The following LRRC4C variants were observed in gnomAD, a reference collection of about 807,000 sequenced individuals.
LRRC4C encodes leucine-rich repeat-containing protein 4C.
LRRC4C carries 5 observed loss-of-function variants against 33.6 expected under a neutral mutation model. The observed-to-expected ratio is 0.15, with a 90% CI of 0.08 to 0.31. The LOEUF is 0.31. Among genes scored for constraint, LRRC4C ranks in the 10% least tolerant of loss-of-function variants. The probability of loss-of-function intolerance (pLI) is 1.00; values close to 1 mark genes in which losing one functional copy is unlikely to be tolerated. For missense variants in LRRC4C, 560 were observed against 796.7 expected, an observed-to-expected ratio of 0.70 and a Z score of 3.58; for synonymous variants, 329 against 302.0, an observed-to-expected ratio of 1.09 and a Z score of -0.93.
chr11:40,534,778 C>A (rs1452899683), intron 3 of LRRC4C, among the ~76,000 whole-genome samples: 2 of 152,088 alleles, frequency 1.3e-5, no homozygotes. Context: ...GGTTTTAGGG[C>A]AAATTGTCCA....
At chr11:41,227,279 A>T (rs1423123821) in intron 1 of LRRC4C, among the ~76,000 whole-genome samples, 1 of 152,002 alleles carries the variant, frequency 6.6e-6, no homozygotes, top group African/African-American at 2.4e-5. Flanking sequence ...GCAATATTAT[A>T]TACATTTAAG....
intron 2 of LRRC4C, among the ~76,000 whole-genome samples, chr11:40,850,511 T>G (rs1953427372): frequency 6.6e-6 from 1 of 152,174 alleles, no homozygotes. Context: ...CTCTGGAAGC[T>G]TCCTCCCAGA....
At chr11:40,180,897 C>T in intron 5 of LRRC4C, among the ~76,000 whole-genome samples, 1 of 152,144 alleles carries the variant, frequency 6.6e-6, no homozygotes, top group East Asian at 1.9e-4. Flanking sequence ...ATAGCTTTAA[C>T]AGCTGAAGAG....
intron 2 of LRRC4C, among the ~76,000 whole-genome samples, chr11:40,813,101 C>T (rs747520885): frequency 6.6e-6 from 1 of 152,140 alleles, no homozygotes; most frequent in East Asian, 1.9e-4. Flanking sequence ...TGTACAGTTA[C>T]AAAATGATGC....
chr11:40,967,606 T>C (rs1851452948), intron 1 of LRRC4C, among the ~76,000 whole-genome samples: 1 of 152,028 alleles, frequency 6.6e-6, no homozygotes, highest in South Asian at 2.1e-4. Context: ...ATATCTCTTA[T>C]AGTGATCTAT....
intron 1 of LRRC4C, among the ~76,000 whole-genome samples, chr11:41,086,368 G>A (rs2135517894): frequency 6.6e-6 from 1 of 152,132 alleles, no homozygotes; most frequent in South Asian, 2.1e-4. Context: ...AACAAAAGCT[G>A]TTGTTATTTA....
intron 2 of LRRC4C, among the ~76,000 whole-genome samples, chr11:40,736,945 G>C (rs1051953025): frequency 1.0e-4 from 15 of 149,844 alleles, no homozygotes; most frequent in African/African-American, 3.7e-4. Context: ...TAGATGATAG[G>C]TTTCCTGTTC....
rs146850542 is a variant in LRRC4C, at chr11:40,598,346, GT to G, written c.-270+49795del. On this transcript the variant is annotated intron_variant, in intron 3 of 6. Transcript: ENST00000528697. ...GTTCCTAGAACAGAAAATGGCTAAG[GT>G]TTTAAGACAAGTATTTTTGTTATAG... Among the ~76,000 whole-genome samples the G allele has an allele frequency of 7.4e-3, 1,122 of 152,246 alleles. 20 individuals carry two copies. Among genetic ancestry groups the G allele is most frequent in the African/African-American group, 0.026 (1,079 of 41,562 alleles).
At chr11:40,820,326 C>T (rs1348519874) in intron 2 of LRRC4C, among the ~76,000 whole-genome samples, 1 of 151,812 alleles carries the variant, frequency 6.6e-6, no homozygotes, top group African/African-American at 2.4e-5. Flanking sequence ...AGTAATTATA[C>T]ATATTTTTTC....
intron 2 of LRRC4C, among the ~76,000 whole-genome samples, chr11:40,737,398 T>C (rs1462377806): frequency 6.6e-6 from 1 of 151,894 alleles, no homozygotes; most frequent in Non-Finnish European, 1.5e-5. Context: ...AAAAATAAAG[T>C]TATTTGAATA....
chr11:40,644,153 T>C (rs1207987733), intron 3 of LRRC4C, among the ~76,000 whole-genome samples: 1 of 152,120 alleles, frequency 6.6e-6, no homozygotes, highest in South Asian at 2.1e-4. Context: ...ATAAAACTTT[T>C]GGGAAAAAAA....
intron 1 of LRRC4C, among the ~76,000 whole-genome samples, chr11:41,391,031 T>C (rs1340432091): frequency 9.2e-5 from 14 of 151,658 alleles, no homozygotes; most frequent in Non-Finnish European, 1.3e-4. Flanking sequence ...AGTAAGCATT[T>C]TGTGAAAGGG....
intron 3 of LRRC4C, among the ~76,000 whole-genome samples, chr11:40,425,785 A>G (rs1291479464): frequency 1.3e-5 from 2 of 152,220 alleles, no homozygotes; most frequent in Non-Finnish European, 2.9e-5. Context: ...CTCATGTCAG[A>G]AAAAATTAAA....
At chr11:40,614,224 T>C in intron 3 of LRRC4C, among the ~76,000 whole-genome samples, 1 of 147,472 alleles carries the variant, frequency 6.8e-6, no homozygotes, top group South Asian at 2.1e-4. Flanking sequence ...TGAAAATCTG[T>C]TGTTTGGTGT....
intron 5 of LRRC4C, among the ~76,000 whole-genome samples, chr11:40,146,226 G>A (rs1277453320): frequency 6.6e-6 from 1 of 152,116 alleles, no homozygotes; most frequent in Non-Finnish European, 1.5e-5. Context: ...TTTTTCACAA[G>A]TGAAGATAAA....
chr11:40,691,361 GT>G (rs1413966177), intron 2 of LRRC4C, among the ~76,000 whole-genome samples: 3 of 151,980 alleles, frequency 2.0e-5, no homozygotes, highest in African/African-American at 7.2e-5. Flanking sequence ...TCTCTCCCAA[GT>G]ATCCAATTTC....
chr11:40,258,954 T>A (rs1470190496), intron 4 of LRRC4C, among the ~76,000 whole-genome samples: 1 of 152,188 alleles, frequency 6.6e-6, no homozygotes, highest in Non-Finnish European at 1.5e-5. Context: ...GATAAATAGC[T>A]AAATGGCATC....
rs149354393 is a variant in LRRC4C, at chr11:40,871,358, C to T, written c.-407+62277G>A. 7.7e-3 allele frequency among the ~76,000 whole-genome samples: 1,175 copies of T among 152,122 alleles called. 23 individuals are homozygous for T. The highest frequency in any genetic ancestry group is 0.026 in the African/African-American group (1,096 of 41,488). ...CACTAATAAAATCTTGCTGGTTTTACGGCTCAGGGGGCATCACAGAACCTG... is the reference window on the plus strand; with the variant it reads ...CACTAATAAAATCTTGCTGGTTTTATGGCTCAGGGGGCATCACAGAACCTG... On this transcript the variant is annotated intron_variant, in intron 2 of 6. Transcript: ENST00000528697.
intron 1 of LRRC4C, among the ~76,000 whole-genome samples, chr11:41,348,509 G>A (rs1356506077): frequency 2.6e-5 from 4 of 152,004 alleles, no homozygotes; most frequent in Non-Finnish European, 4.4e-5. Flanking sequence ...AACATGACAT[G>A]AATTGAATAA....
Sources: allele counts gnomAD v4.1 joint callset (sites outside exome capture counted in the v4.1 genomes callset), GRCh38; gene constraint gnomAD v4.1.1; transcripts MANE v1.5; gene names NCBI Gene and HGNC (gene_info 2026-07-23, HGNC 2026-07-21).